The following MAST3 variants were observed in gnomAD, a reference collection of about 807,000 sequenced individuals.
The protein encoded by MAST3 is microtubule-associated serine/threonine-protein kinase 3.
A neutral mutation model predicts 127.0 loss-of-function variants in MAST3; 43 were observed. The observed-to-expected ratio is 0.34, with a 90% CI of 0.27 to 0.44. MAST3 has a LOEUF of 0.44. MAST3 is among the 20% of genes least tolerant of loss of function. The pLI, the probability that MAST3 is intolerant of heterozygous loss-of-function variation, is 1.00. For synonymous variants in MAST3, 785 were observed against 809.2 expected, an observed-to-expected ratio of 0.97 and a Z score of 0.51; for missense variants, 1,390 against 1,919.1, an observed-to-expected ratio of 0.72 and a Z score of 5.15.
chr19:18,143,839 C>T lies in MAST3; in HGVS notation c.2416C>T (p.Leu806Phe). The change falls in exon 22 of 28, where the codon CTC becomes TTC. Residue 806 changes from leucine (L) to phenylalanine (F), a missense_variant. Around this residue, in one of 5 missense-constraint regions of MAST3, gnomAD observed 816 missense variants for 934.1 expected, o/e 0.87. Coordinates refer to ENST00000687212, the MANE Select transcript of MAST3 (RefSeq NM_001393504.1). ...GCCCGAGCGGGGTCCCAGCCCATCTCTCCTGAATACCATCAGCCTGGACAC... is the reference window on the plus strand; with the variant it reads ...GCCCGAGCGGGGTCCCAGCCCATCTTTCCTGAATACCATCAGCCTGGACAC... ...SQPERGPSPS[L>F]LNTISLDTMP... The T allele has an allele frequency of 1.2e-6, 2 of 1,613,936 alleles. No individual in the cohort carries two copies. The highest frequency in any genetic ancestry group is 8.5e-7 in the Non-Finnish European group (1 of 1,179,892).
At chr19:18,106,540 CTTATTTATTTATTTAT>C (rs143547108) in intron 1 of MAST3, among the ~76,000 whole-genome samples, 150 of 136,108 alleles carry the variant, frequency 1.1e-3, no homozygotes, top group Non-Finnish European at 1.6e-3. Flanking sequence ...CTTGGCCCTT[CTTATTTATTTATTTAT>C]TTATTTATTT....
intron 19 of MAST3, among the ~76,000 whole-genome samples, chr19:18,137,568 G>A (rs1226004361): frequency 1.3e-5 from 2 of 152,222 alleles, no homozygotes; most frequent in African/African-American, 2.4e-5. Context: ...GGCTCAGGAG[G>A]CCACAGCATC....
intron 19 of MAST3, among the ~76,000 whole-genome samples, chr19:18,138,783 G>A (rs994358024): frequency 6.6e-6 from 1 of 152,114 alleles, no homozygotes; most frequent in African/African-American, 2.4e-5. Flanking sequence ...ACAGGCGTGA[G>A]CCACCGCACC....
intron 12 of MAST3, 74 bp downstream of exon 12, chr19:18,128,532 C>G: frequency 6.9e-7 from 1 of 1,452,384 alleles, no homozygotes; most frequent in Non-Finnish European, 9.4e-7. Flanking sequence ...GCAGAAAGGG[C>G]TGGGTTTGCC....
Position 18,121,292 on chromosome 19 carries a change from G to A in MAST3, c.162-393G>A, listed in dbSNP as rs188266979. ...TTGCCTCAGCCTTCTGAGTAGCTGG[G>A]ACTACAGGCGTGCACCACCACACCC... On this transcript the variant is annotated intron_variant, in intron 3 of 27. Transcript: ENST00000687212. 2.9e-3 allele frequency among the ~76,000 whole-genome samples: 440 copies of A among 152,236 alleles called. 5 individuals carry two copies. Among genetic ancestry groups the A allele is most frequent in the African/African-American group, 9.9e-3 (412 of 41,552 alleles).
rs891676491 is a variant in MAST3 at position 18,131,817 on chromosome 19, G to A, written c.1433-92G>A. 1.6e-5 allele frequency: 23 copies of A among 1,419,354 alleles called. No homozygotes were observed. The African/African-American group carries it at 3.0e-4, about 18-fold the overall frequency. 87.9% of individuals were successfully genotyped at this position (1,419,354 alleles called of 1,614,324 possible). A position where few individuals can be genotyped will look rare whatever the true frequency, so the allele number is the denominator to read the frequency against. On this transcript the variant is annotated intron_variant, in intron 14 of 27. Coordinates refer to ENST00000687212, the MANE Select transcript of MAST3 (RefSeq NM_001393504.1). ...GGGGACCTTTTGCAGGAGGTAAAGC[G>A]AGGAGGATGCATAGGCATTGGGCAT...
At chr19:18,137,468 A>C (rs1225043545) in intron 19 of MAST3, 107 bp downstream of exon 19, 9 of 1,273,094 alleles carry the variant, frequency 7.1e-6, no homozygotes, top group Non-Finnish European at 8.7e-6. Context: ...TTGGCACCTC[A>C]CCTTAGGCCT....
At position 18,124,384 on chromosome 19, in the gene MAST3, C is replaced by T. The variant is rs1208832911; in HGVS notation, c.945+18C>T. ...AGTGTCTGGTAAGTTTCTCTTTCTACGGCCAGCTTGGGGTCCAGGCAGAAC... is the reference window on the plus strand; with the variant it reads ...AGTGTCTGGTAAGTTTCTCTTTCTATGGCCAGCTTGGGGTCCAGGCAGAAC... On this transcript the variant is annotated intron_variant, in intron 10 of 27. Transcript: ENST00000687212. 37 of 1,577,994 alleles carry T rather than the reference C, an allele frequency of 2.3e-5. No homozygotes were observed. The highest frequency in any genetic ancestry group is 6.9e-5 in the East Asian group (3 of 43,166).
Position 18,137,373 on chromosome 19 carries a change from TC to T in MAST3, c.2095+17del. 7 of 1,610,762 alleles carry T rather than the reference TC, an allele frequency of 4.3e-6. No homozygotes were observed. Among genetic ancestry groups the T allele is most frequent in the Non-Finnish European group, 5.9e-6 (7 of 1,178,044 alleles). ...CAGCTACTTTGACAGTAAGGAGGGA[TC>T]CCCCTGGAGGGGGGGCGGGGGGTGC... On this transcript the variant is annotated intron_variant, in intron 19 of 27. Transcript: ENST00000687212.
intron 25 of MAST3, among the ~76,000 whole-genome samples, chr19:18,146,528 G>A (rs1332330471): frequency 6.6e-6 from 1 of 152,060 alleles, no homozygotes; most frequent in Non-Finnish European, 1.5e-5. Flanking sequence ...AGGTGTCTTT[G>A]GCCTAATGAC....
Position 18,145,869 on chromosome 19 carries a change from C to A in MAST3, c.3162+4C>A. On this transcript the variant is annotated splice_donor_region_variant and intron_variant, in intron 25 of 27. Transcript: ENST00000687212. The surrounding 1 kb of genome is among the most constrained non-coding windows in gnomAD (Gnocchi z 5.9). Reference sequence around the variant, plus strand: ...CGTCGTGGAGCTGCTGCTGAAGGTGCGGCACCCCCACTGCCCACCCTCAGG... The same window carrying A: ...CGTCGTGGAGCTGCTGCTGAAGGTGAGGCACCCCCACTGCCCACCCTCAGG... 1 of 1,586,554 alleles carries A rather than the reference C, an allele frequency of 6.3e-7. No individual in the cohort carries two copies. Among genetic ancestry groups the A allele is most frequent in the East Asian group, 2.4e-5 (1 of 42,354 alleles).
rs2147511525 is a variant in MAST3 at position 18,135,852 on chromosome 19, T to G, written c.1972+11T>G. On this transcript the variant is annotated intron_variant, in intron 18 of 27. Transcript: ENST00000687212. ...ACCGTCTGGGCACTGGTATGTAGTG[T>G]GGGGGAGAACCCAGGTGGGTGGCTC... 1.3e-6 allele frequency: 2 copies of G among 1,589,152 alleles called. No individual in the cohort carries two copies. The highest frequency in any genetic ancestry group is 4.6e-5 in the East Asian group (2 of 43,918).
At chr19:18,133,990 C>T (rs1207394824) in intron 15 of MAST3, among the ~76,000 whole-genome samples, 1 of 152,140 alleles carries the variant, frequency 6.6e-6, no homozygotes, top group Non-Finnish European at 1.5e-5. Flanking sequence ...CATTTCCGTG[C>T]ACCTTCTGGG....
At chr19:18,134,792 A>T in intron 16 of MAST3, 25 bp from the exon 17 acceptor site, 1 of 1,613,784 alleles carries the variant, frequency 6.2e-7, no homozygotes, top group Non-Finnish European at 8.5e-7. Flanking sequence ...GGCTGGCCTC[A>T]GTTTCCCCGT....
rs1261493500 is a variant in MAST3, at chr19:18,110,302, G to C, written c.72-350G>C. 3.0e-6 allele frequency: 3 copies of C among 985,450 alleles called. No individual in the cohort carries two copies. Among genetic ancestry groups the C allele is most frequent in the Non-Finnish European group, 3.6e-6 (3 of 830,016 alleles). The allele number at this position is 985,450 out of a possible 1,614,324, so 61.0% of individuals were successfully genotyped here. On this transcript the variant is annotated intron_variant, in intron 2 of 27. Transcript: ENST00000687212. The surrounding 1 kb of genome is among the most constrained non-coding windows in gnomAD (Gnocchi z 4.3). ...GGGCGTCGGTACCCCGCCGCACAGA[G>C]GCGGCCTCTGCCTCGGCATGAAGTC... is the stretch of plus-strand genomic sequence containing the variant.
chr19:18,148,016 G>C (rs1466978282), intron 27 of MAST3, among the ~76,000 whole-genome samples: 1 of 151,526 alleles, frequency 6.6e-6, no homozygotes, highest in Non-Finnish European at 1.5e-5. Flanking sequence ...TTAGGTGGGT[G>C]TGAGGCCGGG....
chr19:18,149,218 C>A lies in MAST3; in HGVS notation c.3536C>A (p.Ser1179Tyr). 1 of 1,554,054 alleles carries A rather than the reference C, an allele frequency of 6.4e-7. No homozygotes were observed. The change falls in exon 28 of 28, where the codon TCC (serine) becomes TAC (tyrosine). Residue 1179 changes from serine (S) to tyrosine (Y), a missense_variant. Physicochemically the swap from Ser to Tyr is moderately radical, Grantham distance 144 (BLOSUM62 -2). This residue lies in a region of MAST3 where 816 missense variants were observed against 934.1 expected (regional missense o/e 0.87). Coordinates refer to ENST00000687212, the MANE Select transcript of MAST3 (RefSeq NM_001393504.1). This position sits in a 1 kb window ranked among gnomAD's most constrained non-coding sequence, Gnocchi z 5.9. ...ADTTASPPSASPSSSSPASPA... is the reference protein window; with the variant it reads ...ADTTASPPSAYPSSSSPASPA... ...ACCACTGCATCCCCACCCAGCGCAT[C>A]CCCGAGCTCCAGCAGCCCCGCCTCC...
intron 5 of MAST3, 40 bp from the exon 6 acceptor site, chr19:18,122,633 G>C (rs372245575): frequency 1.3e-6 from 2 of 1,568,882 alleles, no homozygotes; most frequent in South Asian, 2.3e-5. Flanking sequence ...AACCACAGGG[G>C]CCAGGCCTTC....
Position 18,144,442 on chromosome 19 carries a change from C to CA in MAST3, c.2585-23dup. ...CCACATGGTGAGTTTGAGGGGCACC[C>CA]AGCTGACCCTGCTGACCCTCTAGCC... On this transcript the variant is annotated intron_variant, in intron 22 of 27. Transcript: ENST00000687212. This position sits in a 1 kb window ranked among gnomAD's most constrained non-coding sequence, Gnocchi z 4.0. 2 of 1,538,730 alleles carry CA rather than the reference C, an allele frequency of 1.3e-6. No homozygotes were observed. The highest frequency in any genetic ancestry group is 1.8e-6 in the Non-Finnish European group (2 of 1,141,320).
Sources: allele counts gnomAD v4.1 joint callset (sites outside exome capture counted in the v4.1 genomes callset), GRCh38; gene constraint gnomAD v4.1.1; regional missense constraint gnomAD v4.1.1; non-coding constraint Gnocchi (gnomAD v3.1); transcripts MANE v1.5; gene names NCBI Gene and HGNC (gene_info 2026-07-23, HGNC 2026-07-21).